OLFM1: variants seen among roughly 807,000 people sequenced by gnomAD.
The protein encoded by OLFM1 is noelin.
OLFM1 carries 9 observed loss-of-function variants against 49.7 expected under a neutral mutation model. The ratio of observed to expected loss-of-function variants is 0.18; its 90% CI spans 0.11 to 0.32. OLFM1 has a LOEUF of 0.32. Among genes scored for constraint, OLFM1 ranks in the 10% least tolerant of loss-of-function variants. OLFM1 has a pLI of 1.00. For synonymous variants in OLFM1, 240 were observed against 271.8 expected (o/e 0.88, Z 1.15); for missense variants, 369 against 661.8 (o/e 0.56, Z 4.85).
rs751893069 is a variant in OLFM1, at chr9:135,095,891, G to T, written c.328G>T (p.Val110Phe). Residue 110 changes from valine to phenylalanine, a missense_variant, in exon 3 of 6, where the codon GTC (valine) becomes TTC (phenylalanine). Around this residue, in one of 3 missense-constraint regions of OLFM1, gnomAD observed 294 missense variants for 567.5 expected, o/e 0.52. Coordinates refer to ENST00000371793, the MANE Select transcript of OLFM1 (RefSeq NM_001282611.2). ...KVQNMSQSIEVLDRRTQRDLQ... is the reference protein window; with the variant it reads ...KVQNMSQSIEFLDRRTQRDLQ... ...GCAGAACATGTCTCAATCCATAGAG[G>T]TCTTGGACAGGCGGACCCAGAGAGA... 1.2e-6 allele frequency: 2 copies of T among 1,613,140 alleles called. No homozygotes were observed. Among genetic ancestry groups the T allele is most frequent in the Non-Finnish European group, 1.7e-6 (2 of 1,179,548 alleles).
Position 135,088,264 on chromosome 9 carries a change from G to C in OLFM1, c.150+125G>C. 1 of 940,568 alleles carries C rather than the reference G, an allele frequency of 1.1e-6. No individual in the cohort carries two copies. Among genetic ancestry groups the C allele is most frequent in the East Asian group, 3.8e-5 (1 of 26,224 alleles). The allele number at this position is 940,568 out of a possible 1,614,324, so 58.3% of individuals were successfully genotyped here. A position where few individuals can be genotyped will look rare whatever the true frequency, so the allele number is the denominator to read the frequency against. The stretch of plus-strand genomic sequence containing the variant: ...CCGAGTCGCCCAGGGAGGCGGCGGG[G>C]AGCAGGGCGGGCAAGGGCAGGCGTC... On this transcript the variant is annotated intron_variant, in intron 1 of 5. Transcript: ENST00000371793. This position sits in a 1 kb window ranked among gnomAD's most constrained non-coding sequence, Gnocchi z 4.8.
rs1266903050 is a variant in OLFM1 at position 135,080,805 on chromosome 9, G to A, written c.96+5003G>A. Among the ~76,000 whole-genome samples the A allele has an allele frequency of 6.6e-6, 1 of 152,078 alleles. No individual in the cohort carries two copies. The highest frequency in any genetic ancestry group is 6.5e-5 in the Admixed American group (1 of 15,278). ...TGACAGGGCGAGCAGCCAATTTCCA[G>A]CTCTGAAAGATTCGTCCTGGACACC... On this transcript the variant is annotated intron_variant, in intron 1 of 5. Transcript: ENST00000252854. This position sits in a 1 kb window ranked among gnomAD's most constrained non-coding sequence, Gnocchi z 4.5.
intron 2 of OLFM1, chr9:135,095,361 A>T (rs140241761): frequency 1.3e-5 from 2 of 153,552 alleles, no homozygotes; most frequent in Non-Finnish European, 2.9e-5. Context: ...CAACCTTATC[A>T]GCAAGACAGT....
chr9:135,088,123 T>A lies in OLFM1; in HGVS notation c.134T>A (p.Leu45Gln), dbSNP rs1330109388. ...TKLSAAGGGTLDRSTGVLPTN... is the reference protein window; with the variant it reads ...TKLSAAGGGTQDRSTGVLPTN... ...CTCTCGGCGGCCGGCGGCGGGACGC[T>A]GGACCGCAGCACCGGCGTAAGTGCG... The change falls in exon 1 of 6, where the codon CTG becomes CAG. Residue 45 changes from leucine (L) to glutamine (Q), a missense_variant. Physicochemically the swap from Leu to Gln is moderately radical, Grantham distance 113. Coordinates refer to ENST00000371793, the MANE Select transcript of OLFM1 (RefSeq NM_001282611.2). This position sits in a 1 kb window ranked among gnomAD's most constrained non-coding sequence, Gnocchi z 4.8. 7.2e-7 allele frequency: 1 copy of A among 1,396,756 alleles called. No individual in the cohort carries two copies. The highest frequency in any genetic ancestry group is 9.5e-7 in the Non-Finnish European group (1 of 1,057,950). The allele number at this position is 1,396,756 out of a possible 1,614,324, so 86.5% of individuals were successfully genotyped here.
chr9:135,108,120 G>A (rs1182582608), intron 5 of OLFM1, among the ~76,000 whole-genome samples: 8 of 152,242 alleles, frequency 5.3e-5, no homozygotes, highest in Admixed American at 5.2e-4. Flanking sequence ...GGTGTTGGGT[G>A]TTTGTCAGGG....
upstream of OLFM1, among the ~76,000 whole-genome samples, chr9:135,085,591 G>A (rs370391299): frequency 6.6e-6 from 1 of 152,268 alleles, no homozygotes; most frequent in African/African-American, 2.4e-5. Flanking sequence ...ATCAGCATCC[G>A]TATGATTGTT....
At position 135,076,425 on chromosome 9, in the gene OLFM1, G is replaced by A; in HGVS notation, c.96+623G>A. On this transcript the variant is annotated intron_variant, in intron 1 of 5. Transcript: ENST00000252854. ...AGGAGCCCTGTGGCGTGCTGGTGTG[G>A]GGATCGTGGGCATTTCAAACGGGCT... 2.7e-6 allele frequency: 4 copies of A among 1,460,128 alleles called. No homozygotes were observed. The African/African-American group carries it at 4.2e-5, about 15-fold the overall frequency. The allele number at this position is 1,460,128 out of a possible 1,614,324, so 90.4% of individuals were successfully genotyped here.
At chr9:135,086,452 T>G (rs1282273623), upstream of OLFM1, 2 of 372,696 alleles carry the variant, frequency 5.4e-6, no homozygotes, top group Non-Finnish European at 1.1e-5. Flanking sequence ...GCGTTGTTCC[T>G]CTCAGGCGGG....
chr9:135,086,378 C>T (rs1001460414), upstream of OLFM1, among the ~76,000 whole-genome samples: 13 of 152,270 alleles, frequency 8.5e-5, no homozygotes, highest in African/African-American at 3.1e-4. Flanking sequence ...CCAGGATCAT[C>T]TTGGCTGCAG....
rs1191263496 is a variant in OLFM1 at position 135,117,891 on chromosome 9, T to C, written c.784-1613T>C. ...TAGATCCTTTCTTCAAACTGTGTGT[T>C]CCCATCTCACCTTCCCACTAGACCC... On this transcript the variant is annotated intron_variant, in intron 5 of 5. Coordinates refer to ENST00000371793, the MANE Select transcript of OLFM1 (RefSeq NM_001282611.2). The surrounding 1 kb of genome is among the most constrained non-coding windows in gnomAD (Gnocchi z 5.5). 6.6e-6 allele frequency among the ~76,000 whole-genome samples: 1 copy of C among 152,264 alleles called. No homozygotes were observed. The highest frequency in any genetic ancestry group is 6.5e-5 in the Admixed American group (1 of 15,294).
At chr9:135,076,602 C>G (rs1258227254) in intron 1 of OLFM1, 10 of 1,070,362 alleles carry the variant, frequency 9.3e-6, no homozygotes, top group East Asian at 2.6e-5. Flanking sequence ...CTATGGTGCT[C>G]GGAAGAGCCT....
chr9:135,091,880 C>T (rs1329714767), intron 2 of OLFM1, among the ~76,000 whole-genome samples: 1 of 99,686 alleles, frequency 1.0e-5, no homozygotes, highest in African/African-American at 3.7e-5. Context: ...CACAGTCACA[C>T]ACACACTCAC....
intron 1 of OLFM1, among the ~76,000 whole-genome samples, chr9:135,078,689 C>T (rs544178867): frequency 6.6e-6 from 1 of 152,204 alleles, no homozygotes; most frequent in Non-Finnish European, 1.5e-5. Flanking sequence ...GATCTCTGGG[C>T]CTTGGGGAAG....
intron 4 of OLFM1, among the ~76,000 whole-genome samples, chr9:135,104,862 C>G (rs1187818091): frequency 6.6e-6 from 1 of 152,232 alleles, no homozygotes; most frequent in Non-Finnish European, 1.5e-5. Flanking sequence ...AGCTCCACCT[C>G]TCCGCCAGCG....
intron 5 of OLFM1, among the ~76,000 whole-genome samples, chr9:135,118,552 A>ATCTTTGGAAGTGCTCACTGGG (rs1831131714): frequency 5.8e-5 from 3 of 51,514 alleles, no homozygotes; most frequent in Admixed American, 2.1e-4. Flanking sequence ...TGCTCGCTGG[A>ATCTTTGGAAGTGCTCACTGGG]TCTTTGGAAG....
At chr9:135,104,420 C>T (rs1588215616) in intron 4 of OLFM1, among the ~76,000 whole-genome samples, 1 of 152,186 alleles carries the variant, frequency 6.6e-6, no homozygotes, top group African/African-American at 2.4e-5. Flanking sequence ...GTAGGTCATG[C>T]GACCGGGATG....
At chr9:135,099,618 C>T (rs1162852305) in intron 4 of OLFM1, among the ~76,000 whole-genome samples, 1 of 152,216 alleles carries the variant, frequency 6.6e-6, no homozygotes, top group Non-Finnish European at 1.5e-5. Context: ...CCTCAGTGAA[C>T]GCACAAAGCT....
intron 2 of OLFM1, among the ~76,000 whole-genome samples, chr9:135,091,896 G>GTC (rs1830720353): frequency 4.0e-5 from 1 of 24,708 alleles, no homozygotes. Flanking sequence ...CTCACACATA[G>GTC]TCACACACAC....
upstream of OLFM1, among the ~76,000 whole-genome samples, chr9:135,085,579 C>T (rs930831551): frequency 6.6e-6 from 1 of 152,258 alleles, no homozygotes; most frequent in South Asian, 2.1e-4. Context: ...AGCACCTGCC[C>T]CATCAGCATC....
Sources: gnomAD v4.1 joint callset for allele counts (sites outside exome capture counted in the v4.1 genomes callset) on GRCh38, gnomAD v4.1.1 for gene constraint, gnomAD v4.1.1 regional missense constraint, Gnocchi (gnomAD v3.1) non-coding constraint, MANE v1.5 for transcripts, NCBI Gene and HGNC (gene_info 2026-07-23, HGNC 2026-07-21) for gene names.